MAST4: variants seen among roughly 807,000 people sequenced by gnomAD.
MAST4 encodes the protein microtubule-associated serine/threonine-protein kinase 4.
A neutral mutation model predicts 162.7 loss-of-function variants in MAST4; 89 were observed. That is an observed-to-expected ratio of 0.55 (90% CI 0.46 to 0.65). The LOEUF (loss-of-function observed/expected upper bound fraction) is 0.65, where lower values mean the gene tolerates loss of function less well. Ranked by LOEUF, MAST4 falls within the 30% of genes least tolerant of loss-of-function variation. MAST4 has a pLI of 0.00. For synonymous variants in MAST4, 1,479 were observed against 1,361.1 expected, an observed-to-expected ratio of 1.09 and a Z score of -1.91; for missense variants, 3,153 against 3,374.0, an observed-to-expected ratio of 0.93 and a Z score of 1.62.
intron 3 of MAST4, among the ~76,000 whole-genome samples, chr5:66,864,359 G>A (rs1760335615): frequency 6.6e-6 from 1 of 152,106 alleles, no homozygotes; most frequent in African/African-American, 2.4e-5. Flanking sequence ...AACATTCTGG[G>A]AGAGGTTTGG....
chr5:66,737,206 C>T (rs1752207393), intron 1 of MAST4, among the ~76,000 whole-genome samples: 1 of 152,170 alleles, frequency 6.6e-6, no homozygotes, highest in African/African-American at 2.4e-5. Context: ...GATGGTTTGA[C>T]TGGGGCTGCA....
rs566498291 is a variant in MAST4 at position 66,657,974 on chromosome 5, C to T, written c.363+60956C>T. On this transcript the variant is annotated intron_variant, in intron 1 of 28. Transcript: ENST00000403625. ...GGGAATATGTTTGTGTTAAACTATA[C>T]GAAGAATAATTATATACAAGTTTAG... Among the ~76,000 whole-genome samples the T allele has an allele frequency of 5.3e-5, 8 of 152,228 alleles. No homozygotes were observed. In the East Asian group the frequency reaches 7.7e-4, roughly 15 times the overall value.
chr5:66,738,430 G>A (rs770685120), intron 1 of MAST4, among the ~76,000 whole-genome samples: 5 of 152,216 alleles, frequency 3.3e-5, no homozygotes, highest in African/African-American at 4.8e-5. Context: ...GAGCCCAAAA[G>A]AGTTTACTTG....
intron 4 of MAST4, among the ~76,000 whole-genome samples, chr5:66,991,359 C>G (rs1186907740): frequency 6.6e-6 from 1 of 152,142 alleles, no homozygotes; most frequent in East Asian, 1.9e-4. Flanking sequence ...ATGGGCATAA[C>G]CCCTGGGTCC....
At chr5:67,021,264 A>G (rs1242127953) in intron 4 of MAST4, among the ~76,000 whole-genome samples, 2 of 152,196 alleles carry the variant, frequency 1.3e-5, no homozygotes, top group African/African-American at 2.4e-5. Context: ...CCTGATATGT[A>G]TCATGTCCTG....
chr5:66,860,841 A>G (rs547217052), intron 3 of MAST4, among the ~76,000 whole-genome samples: 2 of 151,804 alleles, frequency 1.3e-5, no homozygotes, highest in South Asian at 4.2e-4. Context: ...CCTACTTTGC[A>G]TGCCACTAGG....
At chr5:66,748,029 T>C (rs146942044) in intron 1 of MAST4, among the ~76,000 whole-genome samples, 1,550 of 152,188 alleles carry the variant, frequency 0.01, 11 homozygotes, top group South Asian at 0.05. Context: ...TGCTTGTTGG[T>C]GATAGGGTGT....
chr5:67,071,616 C>T (rs977835520), intron 5 of MAST4, among the ~76,000 whole-genome samples: 27 of 152,044 alleles, frequency 1.8e-4, no homozygotes, highest in East Asian at 7.7e-4. Flanking sequence ...AAAAATTAGC[C>T]GGGCATAGTG....
Position 67,142,140 on chromosome 5 carries a change from T to A in MAST4, c.2520T>A (p.His840Gln). The A allele has an allele frequency of 6.2e-7, 1 of 1,613,978 alleles. No homozygotes were observed. Among genetic ancestry groups the A allele is most frequent in the Non-Finnish European group, 8.5e-7 (1 of 1,179,828 alleles). Residue 840 changes from histidine to glutamine, a missense_variant, in exon 20 of 29, where the codon CAT becomes CAA. By Grantham distance (24) the His-to-Gln change is conservative (BLOSUM62 0). Around this residue, in one of 7 missense-constraint regions of MAST4, gnomAD observed 62 missense variants for 63.1 expected, o/e 0.98. Transcript: ENST00000403625. ...GTGGTGCATATGAAGTCAAACAGCA[T>A]CGATTCTTCCGTTCTTTAGACTGGA... ...GTGGAYEVKQ[H>Q]RFFRSLDWNS...
intron 11 of MAST4, 68 bp downstream of exon 11, chr5:67,110,267 T>G (rs1766083007): frequency 6.0e-6 from 7 of 1,174,132 alleles, no homozygotes; most frequent in Non-Finnish European, 8.9e-6. Flanking sequence ...ATCAGAAAGC[T>G]CCTTCATTTG....
chr5:66,914,800 T>G (rs184388152), intron 4 of MAST4, among the ~76,000 whole-genome samples: 1 of 152,298 alleles, frequency 6.6e-6, no homozygotes, highest in East Asian at 1.9e-4. Context: ...ACCTTTTTGG[T>G]TGTCACAACT....
intron 4 of MAST4, among the ~76,000 whole-genome samples, chr5:66,941,774 T>C (rs1368315055): frequency 6.6e-6 from 1 of 152,118 alleles, no homozygotes; most frequent in Non-Finnish European, 1.5e-5. Context: ...TGATTGAAAA[T>C]GAGAGATGTG....
At chr5:66,727,711 G>A (rs570695962) in intron 1 of MAST4, among the ~76,000 whole-genome samples, 9 of 151,922 alleles carry the variant, frequency 5.9e-5, no homozygotes, top group South Asian at 4.2e-4. Flanking sequence ...GAGGGCTATC[G>A]TTTTTTTTCC....
chr5:67,060,548 G>T lies in MAST4; in HGVS notation c.763+6056G>T, dbSNP rs377683332. Among the ~76,000 whole-genome samples the T allele has an allele frequency of 4.1e-4, 58 of 142,036 alleles. 3 individuals are homozygous for T. Among genetic ancestry groups the T allele is most frequent in the African/African-American group, 1.4e-3 (54 of 37,752 alleles). The allele number at this position is 142,036 out of a possible 152,430, so 93.2% of individuals were successfully genotyped here. A position where few individuals can be genotyped will look rare whatever the true frequency, so the allele number is the denominator to read the frequency against. ...GCTGGAGTGCAGTGGAGCGATCTCCGCTCACTCTAAGCTCCGCCTCACAGG... is the reference window on the plus strand; with the variant it reads ...GCTGGAGTGCAGTGGAGCGATCTCCTCTCACTCTAAGCTCCGCCTCACAGG... On this transcript the variant is annotated intron_variant, in intron 5 of 28. Transcript: ENST00000403625.
intron 5 of MAST4, among the ~76,000 whole-genome samples, chr5:67,063,976 C>CAT (rs1759939939): frequency 6.6e-6 from 1 of 152,142 alleles, no homozygotes; most frequent in Non-Finnish European, 1.5e-5. Flanking sequence ...CTTAAGAGTT[C>CAT]ACTTTGCTGC....
At chr5:66,851,700 C>T (rs535138778) in intron 3 of MAST4, among the ~76,000 whole-genome samples, 1 of 152,142 alleles carries the variant, frequency 6.6e-6, no homozygotes, top group Non-Finnish European at 1.5e-5. Flanking sequence ...ATAGTGCATG[C>T]ACTTCTCTTA....
chr5:66,863,173 T>C (rs1760239058), intron 3 of MAST4, among the ~76,000 whole-genome samples: 1 of 152,204 alleles, frequency 6.6e-6, no homozygotes, highest in African/African-American at 2.4e-5. Flanking sequence ...TGATTAGATA[T>C]GTGGGCTTCA....
chr5:66,603,642 A>T (rs971996865), intron 1 of MAST4, among the ~76,000 whole-genome samples: 1 of 152,242 alleles, frequency 6.6e-6, no homozygotes, highest in African/African-American at 2.4e-5. Flanking sequence ...GAACTCCTGT[A>T]TGCAGATTAC....
At chr5:66,940,528 C>T (rs1027635447) in intron 4 of MAST4, among the ~76,000 whole-genome samples, 2 of 152,130 alleles carry the variant, frequency 1.3e-5, no homozygotes, top group Non-Finnish European at 2.9e-5. Flanking sequence ...AATTCTACCT[C>T]AAGAAATAAC....
Sources: allele counts gnomAD v4.1 joint callset (sites outside exome capture counted in the v4.1 genomes callset), GRCh38; gene constraint gnomAD v4.1.1; regional missense constraint gnomAD v4.1.1; transcripts MANE v1.5; gene names NCBI Gene and HGNC (gene_info 2026-07-23, HGNC 2026-07-21).